Variants in GTPBP10 observed in about 807,000 individuals in gnomAD.
The protein encoded by GTPBP10 is GTP binding protein 10, also known as GTP-binding protein 10.
A neutral mutation model predicts 44.8 loss-of-function variants in GTPBP10; 38 were observed. That is an observed-to-expected ratio of 0.85 (90% CI 0.65 to 1.11). The LOEUF is 1.11. Among genes scored for constraint, GTPBP10 ranks in the 50% most tolerant of loss-of-function variants. The pLI is 0.00. For synonymous variants in GTPBP10, 152 were observed against 150.6 expected, an observed-to-expected ratio of 1.01 and a Z score of -0.07; for missense variants, 462 against 453.7, an observed-to-expected ratio of 1.02 and a Z score of -0.17.
rs1562961671 is a variant in GTPBP10, at chr7:90,383,091, T to TA, written c.901+13dup. On this transcript the variant is annotated intron_variant, in intron 9 of 9. Coordinates refer to ENST00000222511, the MANE Select transcript of GTPBP10 (RefSeq NM_033107.4). ...CCAGAATCCTAAAGGTAAACCTATTTATTCATTTAATTCTAATTTAAAGAA... is the reference window on the plus strand; with the variant it reads ...CCAGAATCCTAAAGGTAAACCTATTTAATTCATTTAATTCTAATTTAAAGAA... 1.3e-6 allele frequency: 2 copies of TA among 1,524,318 alleles called. No homozygotes were observed. The highest frequency in any genetic ancestry group is 2.7e-5 in the African/African-American group (2 of 72,874). 94.4% of individuals were successfully genotyped at this position (1,524,318 alleles called of 1,614,324 possible).
intron 4 of GTPBP10, among the ~76,000 whole-genome samples, chr7:90,369,830 T>C (rs1466852076): frequency 1.3e-5 from 2 of 152,104 alleles, no homozygotes; most frequent in Non-Finnish European, 2.9e-5. Flanking sequence ...CTGCACCCAC[T>C]GCCCAACCCG....
rs1434119554 is a variant in GTPBP10, at chr7:90,390,577, A to G, written c.*5423A>G. 3 of 152,210 alleles carry G rather than the reference A, an allele frequency of 2.0e-5. No homozygotes were observed. The highest frequency in any genetic ancestry group is 2.0e-4 in the Admixed American group (3 of 15,274). The allele number at this position is 152,210 out of a possible 1,614,324, so 9.4% of individuals were successfully genotyped here. On this transcript the variant is annotated 3_prime_UTR_variant, in exon 10 of 10. Coordinates refer to ENST00000222511, the MANE Select transcript of GTPBP10 (RefSeq NM_033107.4). ...TATCCAAGTCGTGTGCCTTTGAAAT[A>G]CTTGGAATTTGAAGAACAGGACATG... is the stretch of plus-strand genomic sequence containing the variant.
At position 90,385,130 on chromosome 7, in the gene GTPBP10, T is replaced by A. The variant is rs771785955; in HGVS notation, c.1140T>A (p.Thr380=). 6.2e-6 allele frequency: 10 copies of A among 1,606,688 alleles called. No individual in the cohort carries two copies. Residue 380 remains threonine (T), a synonymous_variant, in exon 10 of 10, where the codon ACT becomes ACA. Transcript: ENST00000222511. ...STEPPSKHAV[T]TSKMDII ...AGCCACCATCAAAGCATGCTGTTAC[T>A]ACTTCCAAAATGGATATAATTTAAA...
chr7:90,352,059 A>G (rs919935411), intron 1 of GTPBP10, among the ~76,000 whole-genome samples: 1 of 152,178 alleles, frequency 6.6e-6, no homozygotes, highest in Non-Finnish European at 1.5e-5. Context: ...GATCAGATCA[A>G]TTTCAGAAAA....
chr7:90,381,113 T>C (rs1796428845), intron 8 of GTPBP10, among the ~76,000 whole-genome samples: 1 of 152,238 alleles, frequency 6.6e-6, no homozygotes, highest in Admixed American at 6.5e-5. Context: ...GAGATCTCTT[T>C]GACATACTGA....
chr7:90,389,005 G>T lies in GTPBP10; in HGVS notation c.*3851G>T, dbSNP rs1301421249. On this transcript the variant is annotated 3_prime_UTR_variant, in exon 10 of 10. Coordinates refer to ENST00000222511, the MANE Select transcript of GTPBP10 (RefSeq NM_033107.4). The stretch of plus-strand genomic sequence containing the variant: ...AAAATAAAAATTAGTAATATAACTT[G>T]TGTAAACCTACACAAAAGATAAAAG... 1.3e-5 allele frequency: 2 copies of T among 152,182 alleles called. No homozygotes were observed. The highest frequency in any genetic ancestry group is 2.9e-5 in the Non-Finnish European group (2 of 68,022). The allele number at this position is 152,182 out of a possible 1,614,324, so 9.4% of individuals were successfully genotyped here.
Position 90,385,513 on chromosome 7 carries a change from C to A in GTPBP10, c.*359C>A. On this transcript the variant is annotated 3_prime_UTR_variant, in exon 10 of 10. Transcript: ENST00000222511. Reference sequence around the variant, plus strand: ...ATTTTAAGTGGTTTTTCCAAAAAAGCACATAAGGTAATGCACGTTAATTAG... The same window carrying A: ...ATTTTAAGTGGTTTTTCCAAAAAAGAACATAAGGTAATGCACGTTAATTAG... The A allele has an allele frequency of 6.0e-6, 1 of 166,754 alleles. No homozygotes were observed. Among genetic ancestry groups the A allele is most frequent in the Non-Finnish European group, 1.3e-5 (1 of 77,782 alleles). The allele number at this position is 166,754 out of a possible 1,614,324, so 10.3% of individuals were successfully genotyped here.
At chr7:90,346,876 T>C in intron 1 of GTPBP10, 102 bp downstream of exon 1, 1 of 1,328,124 alleles carries the variant, frequency 7.5e-7, no homozygotes, top group East Asian at 2.3e-5. Context: ...GGCCTTTTCC[T>C]TGCTTGGTTT....
Position 90,387,928 on chromosome 7 carries a change from A to G in GTPBP10, c.*2774A>G, listed in dbSNP as rs986246414. 1 of 152,202 alleles carries G rather than the reference A, an allele frequency of 6.6e-6. No individual in the cohort carries two copies. The highest frequency in any genetic ancestry group is 2.4e-5 in the African/African-American group (1 of 41,444). 9.4% of individuals were successfully genotyped at this position (152,202 alleles called of 1,614,324 possible). A position where few individuals can be genotyped will look rare whatever the true frequency, so the allele number is the denominator to read the frequency against. On this transcript the variant is annotated 3_prime_UTR_variant, in exon 10 of 10. Coordinates refer to ENST00000222511, the MANE Select transcript of GTPBP10 (RefSeq NM_033107.4). ...TCTAAATGTAAACAAGTATCAATGT[A>G]AGGACAGTTTCATCAGGTGAATATC... is the stretch of plus-strand genomic sequence containing the variant.
chr7:90,374,044 C>T (rs1796303891), intron 5 of GTPBP10, among the ~76,000 whole-genome samples: 1 of 152,130 alleles, frequency 6.6e-6, no homozygotes, highest in African/African-American at 2.4e-5. Flanking sequence ...CACTATGCTG[C>T]CCAGGCTCAT....
chr7:90,347,983 T>A (rs1795714004), intron 1 of GTPBP10, among the ~76,000 whole-genome samples: 1 of 152,120 alleles, frequency 6.6e-6, no homozygotes, highest in Non-Finnish European at 1.5e-5. Context: ...TTCTTGCTAC[T>A]TGGGAGGCTG....
intron 4 of GTPBP10, among the ~76,000 whole-genome samples, chr7:90,360,780 G>A (rs1357834288): frequency 1.3e-5 from 2 of 152,184 alleles, no homozygotes; most frequent in African/African-American, 4.8e-5. Flanking sequence ...AGCATGGAAT[G>A]TTCTTCCATT....
chr7:90,358,824 TG>T (rs1040022225), intron 4 of GTPBP10, among the ~76,000 whole-genome samples: 3 of 152,122 alleles, frequency 2.0e-5, no homozygotes, highest in Non-Finnish European at 4.4e-5. Flanking sequence ...GCCTACAGAA[TG>T]GGAGAAAGTA....
intron 4 of GTPBP10, among the ~76,000 whole-genome samples, chr7:90,357,737 A>G (rs1795933102): frequency 6.6e-6 from 1 of 152,210 alleles, no homozygotes; most frequent in Non-Finnish European, 1.5e-5. Flanking sequence ...ATGAAAATAT[A>G]TGAATGAGAT....
chr7:90,357,976 G>A (rs1795939717), intron 4 of GTPBP10, among the ~76,000 whole-genome samples: 1 of 152,044 alleles, frequency 6.6e-6, no homozygotes. Flanking sequence ...CATTCAAATT[G>A]GAAAGAAGGA....
intron 4 of GTPBP10, among the ~76,000 whole-genome samples, chr7:90,366,600 A>G (rs1029157697): frequency 6.6e-6 from 1 of 151,506 alleles, no homozygotes; most frequent in African/African-American, 2.4e-5. Context: ...GGTAATTTGT[A>G]TTTCTGTGGG....
At chr7:90,356,163 C>G (rs1296009030) in intron 4 of GTPBP10, among the ~76,000 whole-genome samples, 1 of 152,130 alleles carries the variant, frequency 6.6e-6, no homozygotes, top group Non-Finnish European at 1.5e-5. Context: ...TTACCAGACT[C>G]TTAAGTCTGT....
At chr7:90,372,267 T>A in intron 5 of GTPBP10, 39 bp downstream of exon 5, 1 of 1,242,436 alleles carries the variant, frequency 8.0e-7, no homozygotes, top group Non-Finnish European at 1.2e-6. Flanking sequence ...TGAGTGGAGG[T>A]AAACTTTTAA....
chr7:90,362,640 CTA>C (rs1796047615), intron 4 of GTPBP10, among the ~76,000 whole-genome samples: 1 of 152,124 alleles, frequency 6.6e-6, no homozygotes, highest in African/African-American at 2.4e-5. Flanking sequence ...CTGTAGATGT[CTA>C]TTAGGTCCTC....
Sources: gnomAD v4.1 joint callset for allele counts (sites outside exome capture counted in the v4.1 genomes callset) on GRCh38, gnomAD v4.1.1 for gene constraint, MANE v1.5 for transcripts, NCBI Gene and HGNC (gene_info 2026-07-23, HGNC 2026-07-21) for gene names.